Variants in CEP63 observed in about 807,000 individuals in gnomAD.
CEP63 encodes centrosomal protein 63, also known as centrosomal protein of 63 kDa.
In CEP63, 84 loss-of-function variants were observed where a neutral mutation model predicts 89.1. That is an observed-to-expected ratio of 0.94 (90% confidence interval 0.79 to 1.13). CEP63 has a LOEUF of 1.13. CEP63 is among the 50% of genes most tolerant of loss of function. The probability of loss-of-function intolerance (pLI) is 0.00; values close to 1 mark genes in which losing one functional copy is unlikely to be tolerated. For missense variants in CEP63, 838 were observed against 813.3 expected (o/e 1.03, Z -0.37); for synonymous variants, 267 against 272.5 (o/e 0.98, Z 0.20).
downstream of CEP63, among the ~76,000 whole-genome samples, chr3:134,589,649 G>A (rs1032709495): frequency 2.6e-5 from 4 of 151,294 alleles, no homozygotes; most frequent in African/African-American, 9.7e-5. Context: ...ACTGCTGGTG[G>A]GAATATAAAT....
At chr3:134,661,324 C>A in the CEP63 span, among the ~76,000 whole-genome samples, 1 of 152,210 alleles carries the variant, frequency 6.6e-6, no homozygotes, top group Non-Finnish European at 1.5e-5. Context: ...GCCAACCCCA[C>A]CTTTCTGTTC....
chr3:134,575,337 G>T (rs1326569403), downstream of CEP63, among the ~76,000 whole-genome samples: 1 of 94,764 alleles, frequency 1.1e-5, no homozygotes, highest in Admixed American at 1.1e-4. Context: ...TTTGGAGACA[G>T]GGTCTCACTC....
intron 3 of CEP63, among the ~76,000 whole-genome samples, chr3:134,519,389 C>T (rs1474480815): frequency 6.6e-6 from 1 of 152,110 alleles, no homozygotes; most frequent in Non-Finnish European, 1.5e-5. Context: ...CCGCCTCAGC[C>T]ACCCAAAGTG....
In CEP63 at chr3:134,545,674, G is replaced by T; in HGVS notation, c.644G>T (p.Arg215Leu). ...CAACACTTAAGCAGTAAACTGGAGC[G>T]GGCTAATGACACTATCTGTGCCAAT... ...EIQHLSSKLERANDTICANEL... is the reference protein window; with the variant it reads ...EIQHLSSKLELANDTICANEL... The change falls in exon 7 of 15, where the codon CGG becomes CTG. Residue 215 changes from arginine (R) to leucine (L), a missense_variant. Physicochemically the swap from Arg to Leu is moderately radical, Grantham distance 102 (BLOSUM62 -2). Coordinates refer to ENST00000675561, the MANE Select transcript of CEP63 (RefSeq NM_001353108.3). 6.2e-7 allele frequency: 1 copy of T among 1,614,036 alleles called. No individual in the cohort carries two copies. Among genetic ancestry groups the T allele is most frequent in the Non-Finnish European group, 8.5e-7 (1 of 1,179,998 alleles).
At chr3:134,774,393 A>G in the CEP63 span, among the ~76,000 whole-genome samples, 3 of 152,234 alleles carry the variant, frequency 2.0e-5, no homozygotes, top group Non-Finnish European at 2.9e-5. Context: ...TGTAACAAAG[A>G]GTAAAATTGC....
At chr3:134,701,277 C>CATATATACGTATATATGTGT in the CEP63 span, among the ~76,000 whole-genome samples, 3 of 38,686 alleles carry the variant, frequency 7.8e-5, no homozygotes, top group Admixed American at 2.8e-4. Context: ...CATATACACA[C>CATATATACGTATATATGTGT]ATATATACGT....
rs767150805 is a variant in CEP63 at position 134,545,734 on chromosome 3, A to G, written c.704A>G (p.Asn235Ser). 9.9e-6 allele frequency: 16 copies of G among 1,614,196 alleles called. No homozygotes were observed. In the East Asian group the frequency reaches 1.8e-4, roughly 18 times the overall value. ...LEIERLTMRV[N>S]DLVGTSMTVL... is the part of the protein sequence containing the mutation. ...ATAGAGCGCCTCACCATGAGGGTCA[A>G]TGACTTGGTTGGAACCAGTATGACT... Residue 235 changes from asparagine to serine, a missense_variant, in exon 7 of 15, where the codon AAT becomes AGT. Physicochemically the swap from Asn to Ser is conservative, Grantham distance 46. Transcript: ENST00000675561.
chr3:134,531,118 TTTG>T (rs1949768623), intron 3 of CEP63, among the ~76,000 whole-genome samples: 1 of 152,216 alleles, frequency 6.6e-6, no homozygotes, highest in Non-Finnish European at 1.5e-5. Context: ...CAAACCTCCT[TTTG>T]TTTTCCTGTC....
intron 11 of CEP63, among the ~76,000 whole-genome samples, 172 bp from the exon 12 acceptor site, chr3:134,551,754 T>TATATATATAC (rs1487318946): frequency 1.8e-4 from 4 of 21,816 alleles, no homozygotes; most frequent in Middle Eastern, 0.019. Context: ...TATATATATA[T>TATATATATAC]ACACACACAC....
At chr3:134,780,142 T>C in the CEP63 span, among the ~76,000 whole-genome samples, 7 of 152,244 alleles carry the variant, frequency 4.6e-5, no homozygotes, top group African/African-American at 1.7e-4. Flanking sequence ...CTCAGTATTG[T>C]TTTCATTATC....
the CEP63 span, among the ~76,000 whole-genome samples, chr3:134,609,512 G>A: frequency 1.3e-5 from 2 of 152,282 alleles, no homozygotes; most frequent in East Asian, 1.9e-4. Flanking sequence ...TGCAAAAATC[G>A]AGAGAGCACA....
chr3:134,776,701 G>C, the CEP63 span, among the ~76,000 whole-genome samples: 10 of 152,224 alleles, frequency 6.6e-5, no homozygotes, highest in Non-Finnish European at 1.5e-4. Flanking sequence ...GTAGTGATGG[G>C]TAGGGGTGCT....
the CEP63 span, among the ~76,000 whole-genome samples, chr3:134,769,470 T>C: frequency 6.6e-6 from 1 of 152,238 alleles, no homozygotes; most frequent in Admixed American, 6.5e-5. Context: ...TAAGACTGCA[T>C]GTGAAACCAA....
the CEP63 span, among the ~76,000 whole-genome samples, chr3:134,698,635 T>TA: frequency 6.6e-6 from 1 of 152,156 alleles, no homozygotes; most frequent in African/African-American, 2.4e-5. Flanking sequence ...CTCTGGAGAA[T>TA]AGGGTGCTGA....
chr3:134,522,177 A>G (rs180846906), intron 3 of CEP63, among the ~76,000 whole-genome samples: 12 of 152,288 alleles, frequency 7.9e-5, no homozygotes, highest in Admixed American at 1.3e-4. Flanking sequence ...CTCCTTGTCA[A>G]TAAACAGGAT....
At chr3:134,768,044 C>A in the CEP63 span, among the ~76,000 whole-genome samples, 1 of 152,170 alleles carries the variant, frequency 6.6e-6, no homozygotes, top group African/African-American at 2.4e-5. Context: ...GGGAGCTTCA[C>A]ACACATGAGG....
the CEP63 span, among the ~76,000 whole-genome samples, chr3:134,679,763 C>T: frequency 3.3e-5 from 5 of 152,180 alleles, no homozygotes; most frequent in Admixed American, 3.3e-4. Flanking sequence ...GGCTCTGTTA[C>T]CCAGGCTGGA....
chr3:134,680,561 A>G, the CEP63 span, among the ~76,000 whole-genome samples: 1 of 152,234 alleles, frequency 6.6e-6, no homozygotes, highest in Admixed American at 6.5e-5. Flanking sequence ...AAGTCAAGAC[A>G]TATGACTTTA....
the CEP63 span, among the ~76,000 whole-genome samples, chr3:134,669,999 G>T: frequency 6.6e-6 from 1 of 152,136 alleles, no homozygotes; most frequent in South Asian, 2.1e-4. Flanking sequence ...GACCCTGAGA[G>T]CTCCCTTGCC....
Sources: allele counts gnomAD v4.1 joint callset (sites outside exome capture counted in the v4.1 genomes callset), GRCh38; gene constraint gnomAD v4.1.1; transcripts MANE v1.5; gene names NCBI Gene and HGNC (gene_info 2026-07-23, HGNC 2026-07-21).